The following COL23A1 variants were observed in gnomAD, a reference collection of about 807,000 sequenced individuals.
COL23A1 encodes collagen alpha-1(XXIII) chain.
In COL23A1, 97 loss-of-function variants were observed where a neutral mutation model predicts 99.3. The observed-to-expected ratio is 0.98, with a 90% CI of 0.83 to 1.16. COL23A1 has a LOEUF of 1.16. Among genes scored for constraint, COL23A1 ranks in the 50% most tolerant of loss-of-function variants. The probability of loss-of-function intolerance (pLI) is 0.00; values close to 1 mark genes in which losing one functional copy is unlikely to be tolerated. For missense variants in COL23A1, 762 were observed against 757.4 expected (o/e 1.01, Z -0.07); for synonymous variants, 320 against 308.2 (o/e 1.04, Z -0.40).
At chr5:178,498,241 TATATATATATATATATAA>T (rs1758322035) in intron 2 of COL23A1, among the ~76,000 whole-genome samples, 1 of 57,972 alleles carries the variant, frequency 1.7e-5, no homozygotes, top group Non-Finnish European at 2.8e-5. Flanking sequence ...TATATATATA[TATATATATATATATATAA>T]AAGAACTTAA....
At position 178,560,727 on chromosome 5, in the gene COL23A1, T is replaced by G. The variant is rs1762517232; in HGVS notation, c.316A>C (p.Ile106Leu). The G allele has an allele frequency of 7.4e-6, 12 of 1,611,192 alleles. No individual in the cohort carries two copies. Among genetic ancestry groups the G allele is most frequent in the East Asian group, 4.5e-5 (2 of 44,806 alleles). Residue 106 changes from isoleucine (I) to leucine (L), a missense_variant, in exon 2 of 29, where the codon ATC (isoleucine) becomes CTC (leucine). By Grantham distance (5) the Ile-to-Leu change is conservative. Transcript: ENST00000390654. ...LREKLDGLAK[I>L]RTAREAPSEC... ...GATGGAGCTTCCCGAGCAGTCCGGA[T>G]CTTCGCTAGTCCGTCCAACTTCTGA... is the stretch of plus-strand genomic sequence containing the variant.
chr5:178,336,603 G>T (rs1208987159), intron 2 of COL23A1, among the ~76,000 whole-genome samples: 1 of 152,204 alleles, frequency 6.6e-6, no homozygotes, highest in African/African-American at 2.4e-5. Context: ...GCTTACAGGG[G>T]AGGAGTATCC....
chr5:178,471,484 C>A (rs2127933472), intron 2 of COL23A1, among the ~76,000 whole-genome samples: 1 of 151,944 alleles, frequency 6.6e-6, no homozygotes, highest in East Asian at 2.0e-4. Context: ...GGTGATCTAC[C>A]CGCCTCGGCC....
intron 2 of COL23A1, among the ~76,000 whole-genome samples, chr5:178,424,263 G>A (rs950024452): frequency 1.3e-5 from 2 of 152,236 alleles, no homozygotes; most frequent in Non-Finnish European, 2.9e-5. Flanking sequence ...TCCTCTCCAG[G>A]ATGAAGCCTA....
Position 178,467,884 on chromosome 5 carries a change from A to G in COL23A1, c.361+92798T>C, listed in dbSNP as rs1756506652. 2.0e-5 allele frequency among the ~76,000 whole-genome samples: 3 copies of G among 152,358 alleles called. No individual in the cohort carries two copies. In the South Asian group the frequency reaches 6.2e-4, roughly 32 times the overall value. On this transcript the variant is annotated intron_variant, in intron 2 of 28. Transcript: ENST00000390654. Reference sequence around the variant, plus strand: ...GGATACTGCAGCAGGCTGGAGTCCGAGGCCTGCCTTCCATGCTAGTGACAA... The same window carrying G: ...GGATACTGCAGCAGGCTGGAGTCCGGGGCCTGCCTTCCATGCTAGTGACAA...
chr5:178,241,200 G>A (rs557638356), intron 27 of COL23A1, among the ~76,000 whole-genome samples: 42 of 152,244 alleles, frequency 2.8e-4, no homozygotes, highest in Middle Eastern at 6.8e-3. Flanking sequence ...CAGCCTGGGC[G>A]ACAGAGTGAG....
At chr5:178,337,302 C>A (rs1475024727) in intron 2 of COL23A1, among the ~76,000 whole-genome samples, 1 of 152,266 alleles carries the variant, frequency 6.6e-6, no homozygotes, top group Non-Finnish European at 1.5e-5. Context: ...CCCGGCCAGA[C>A]CCCGGGAAGG....
At chr5:178,339,076 CCT>C (rs1760510816) in intron 2 of COL23A1, among the ~76,000 whole-genome samples, 1 of 152,170 alleles carries the variant, frequency 6.6e-6, no homozygotes, top group African/African-American at 2.4e-5. Context: ...GAACACTTCC[CCT>C]GACTGGGAGC....
chr5:178,371,791 C>T (rs1762814289), intron 2 of COL23A1, among the ~76,000 whole-genome samples: 1 of 152,230 alleles, frequency 6.6e-6, no homozygotes. Flanking sequence ...TGAGCCCCCA[C>T]CGCCCCAGGG....
chr5:178,483,273 T>C lies in COL23A1; in HGVS notation c.361+77409A>G, dbSNP rs778888720. Among the ~76,000 whole-genome samples the C allele has an allele frequency of 4.8e-4, 73 of 151,918 alleles. 1 individual carries two copies. The highest frequency in any genetic ancestry group is 1.3e-4 in the Non-Finnish European group (9 of 68,010). On this transcript the variant is annotated intron_variant, in intron 2 of 28. Coordinates refer to ENST00000390654, the MANE Select transcript of COL23A1 (RefSeq NM_173465.4). ...AGTCCCTTTTGAATTACTGGGGAGATAAGTATATGGAGAAGGCATTAGATG... is the reference window on the plus strand; with the variant it reads ...AGTCCCTTTTGAATTACTGGGGAGACAAGTATATGGAGAAGGCATTAGATG...
At chr5:178,501,632 A>C (rs1322106316) in intron 2 of COL23A1, among the ~76,000 whole-genome samples, 2 of 151,986 alleles carry the variant, frequency 1.3e-5, no homozygotes, top group Non-Finnish European at 2.9e-5. Context: ...GGACCAGGGA[A>C]GGGGCATCCT....
rs1460230944 is a variant in COL23A1, at chr5:178,439,037, A to G, written c.361+121645T>C. ...GCTTGACTCAGCCCAGTGTGCATTCAAATCACCTGGGAGCTTGAACCTCTC... is the reference window on the plus strand; with the variant it reads ...GCTTGACTCAGCCCAGTGTGCATTCGAATCACCTGGGAGCTTGAACCTCTC... On this transcript the variant is annotated intron_variant, in intron 2 of 28. Transcript: ENST00000390654. This position sits in a 1 kb window ranked among gnomAD's most constrained non-coding sequence, Gnocchi z 4.2. 6.6e-6 allele frequency: 1 copy of G among 152,202 alleles called. No individual in the cohort carries two copies. Among genetic ancestry groups the G allele is most frequent in the African/African-American group, 2.4e-5 (1 of 41,442 alleles). The allele number at this position is 152,202 out of a possible 1,614,324, so 9.4% of individuals were successfully genotyped here. A position where few individuals can be genotyped will look rare whatever the true frequency, so the allele number is the denominator to read the frequency against.
At chr5:178,438,458 C>T (rs1486686479) in intron 2 of COL23A1, among the ~76,000 whole-genome samples, 1 of 152,164 alleles carries the variant, frequency 6.6e-6, no homozygotes, top group Non-Finnish European at 1.5e-5. Context: ...AACCGCTTTA[C>T]CTGTAGGAAC....
chr5:178,566,263 T>C (rs1762836195), intron 1 of COL23A1, among the ~76,000 whole-genome samples: 1 of 151,904 alleles, frequency 6.6e-6, no homozygotes. Context: ...ATGGAGGAGA[T>C]TAAGGGTGAC....
chr5:178,392,051 T>A (rs1461013739), intron 2 of COL23A1, among the ~76,000 whole-genome samples: 1 of 152,052 alleles, frequency 6.6e-6, no homozygotes, highest in Non-Finnish European at 1.5e-5. Flanking sequence ...GAAAGTAGAT[T>A]AGTGGTTGCT....
At chr5:178,332,961 T>G (rs1177285525) in intron 2 of COL23A1, among the ~76,000 whole-genome samples, 1 of 152,052 alleles carries the variant, frequency 6.6e-6, no homozygotes, top group Non-Finnish European at 1.5e-5. Context: ...TGTTTTTTTT[T>G]GTTTGTTTGT....
intron 2 of COL23A1, among the ~76,000 whole-genome samples, chr5:178,474,524 CA>C (rs11361854): frequency 0.91 from 138,469 of 151,754 alleles, 63,215 homozygotes; most frequent in East Asian, 1. Context: ...TGTGAGATGT[CA>C]AAAAAAAAAA....
intron 2 of COL23A1, among the ~76,000 whole-genome samples, chr5:178,421,812 T>C (rs1765646554): frequency 2.0e-5 from 3 of 152,294 alleles, no homozygotes; most frequent in East Asian, 3.9e-4. Flanking sequence ...GAAGTTGCAG[T>C]GAGCTGAGAT....
intron 2 of COL23A1, among the ~76,000 whole-genome samples, chr5:178,376,088 A>T (rs1435573179): frequency 1.3e-5 from 2 of 152,006 alleles, no homozygotes; most frequent in African/African-American, 4.8e-5. Context: ...TCCCTACTCT[A>T]TTTAATATCC....
Sources: gnomAD v4.1 joint callset for allele counts (sites outside exome capture counted in the v4.1 genomes callset) on GRCh38, gnomAD v4.1.1 for gene constraint, Gnocchi (gnomAD v3.1) non-coding constraint, MANE v1.5 for transcripts, NCBI Gene and HGNC (gene_info 2026-07-23, HGNC 2026-07-21) for gene names.